The following IPCEF1 variants were observed in gnomAD, a reference collection of about 807,000 sequenced individuals.
The protein encoded by IPCEF1 is interaction protein for cytohesin exchange factors 1, also known as interactor protein for cytohesin exchange factors 1.
IPCEF1 carries 31 observed loss-of-function variants against 50.9 expected under a neutral mutation model. The observed-to-expected ratio is 0.61, with a 90% CI of 0.46 to 0.82. The LOEUF is 0.82. Ranked by LOEUF, IPCEF1 falls within the 40% of genes least tolerant of loss-of-function variation. The probability of loss-of-function intolerance (pLI) is 0.00; values close to 1 mark genes in which losing one functional copy is unlikely to be tolerated. For synonymous variants in IPCEF1, 181 were observed against 192.0 expected, an observed-to-expected ratio of 0.94 and a Z score of 0.47; for missense variants, 458 against 514.0, an observed-to-expected ratio of 0.89 and a Z score of 1.05.
intron 1 of IPCEF1, among the ~76,000 whole-genome samples, chr6:154,292,174 G>A (rs1270509735): frequency 2.0e-5 from 3 of 152,112 alleles, no homozygotes; most frequent in Admixed American, 1.3e-4. Context: ...TAGAGTCCAG[G>A]CCAGTTGCTT....
intron 4 of IPCEF1, 75 bp downstream of exon 4, chr6:154,247,374 A>G (rs1414674273): frequency 4.2e-6 from 5 of 1,204,402 alleles, no homozygotes; most frequent in Admixed American, 3.5e-5. Context: ...TCTGATCCCA[A>G]GGAAGGCACC....
intron 3 of IPCEF1, among the ~76,000 whole-genome samples, chr6:154,249,923 GT>G (rs1781295955): frequency 6.7e-6 from 1 of 149,052 alleles, no homozygotes; most frequent in Non-Finnish European, 1.5e-5. Flanking sequence ...TTTTTTGTTT[GT>G]TTTTAAGTGG....
At chr6:154,205,261 C>A (rs1048974500) in intron 9 of IPCEF1, among the ~76,000 whole-genome samples, 1 of 152,058 alleles carries the variant, frequency 6.6e-6, no homozygotes, top group African/African-American at 2.4e-5. Flanking sequence ...CATCTAGTTC[C>A]ATTCAGCATC....
chr6:154,158,449 G>T lies in IPCEF1; in HGVS notation c.*1379C>A, dbSNP rs1484546442. Reference sequence around the variant, plus strand: ...TTAGTTGTGTTGCCTTTGGTCTAAGGTTTGCAGGCATAAATGGCACAAAGC... The same window carrying T: ...TTAGTTGTGTTGCCTTTGGTCTAAGTTTTGCAGGCATAAATGGCACAAAGC... On this transcript the variant is annotated 3_prime_UTR_variant, in exon 12 of 12. Transcript: ENST00000367220. 1.3e-5 allele frequency: 2 copies of T among 152,136 alleles called. No homozygotes were observed. Among genetic ancestry groups the T allele is most frequent in the Non-Finnish European group, 2.9e-5 (2 of 68,024 alleles). The allele number at this position is 152,136 out of a possible 1,614,324, so 9.4% of individuals were successfully genotyped here.
Position 154,246,742 on chromosome 6 carries a change from C to T in IPCEF1, c.95G>A (p.Arg32Gln), listed in dbSNP as rs751364357. Residue 32 changes from arginine to glutamine, a missense_variant, in exon 5 of 12, where the codon CGG (arginine) becomes CAG (glutamine). Physicochemically the swap from Arg to Gln is conservative, Grantham distance 43 (BLOSUM62 1). Transcript: ENST00000367220. ...RKTQGFLTMS[R>Q]RRISCKDLGH... is the part of the protein sequence containing the mutation. ...CAGATCTTTACACGATATCCTCCTC[C>T]GACTCATCGTGAGAAAACCTGCAAT... is the stretch of plus-strand genomic sequence containing the variant. The T allele has an allele frequency of 1.6e-5, 26 of 1,613,736 alleles. No homozygotes were observed. The highest frequency in any genetic ancestry group is 2.2e-5 in the East Asian group (1 of 44,886).
chr6:154,257,702 T>G lies in IPCEF1; in HGVS notation c.36+8210A>C, dbSNP rs186840244. On this transcript the variant is annotated intron_variant, in intron 3 of 11. Transcript: ENST00000367220. The stretch of plus-strand genomic sequence containing the variant: ...GTTTTGGTTTTGGGTTTTGTTTGTT[T>G]GTTTGTTTGTTTTTTGAGACAGGGT... 2.0e-5 allele frequency among the ~76,000 whole-genome samples: 3 copies of G among 152,286 alleles called. No homozygotes were observed. The East Asian group carries it at 5.8e-4, about 29-fold the overall frequency.
intron 9 of IPCEF1, among the ~76,000 whole-genome samples, chr6:154,211,599 A>T (rs1241949524): frequency 6.6e-6 from 1 of 152,160 alleles, no homozygotes; most frequent in Non-Finnish European, 1.5e-5. Context: ...CAATTTTTGA[A>T]ACCAGTGGGA....
intron 10 of IPCEF1, among the ~76,000 whole-genome samples, chr6:154,187,854 G>C (rs1801522876): frequency 6.6e-6 from 1 of 152,142 alleles, no homozygotes; most frequent in Non-Finnish European, 1.5e-5. Context: ...ATAAAACAGA[G>C]GTGATGAAAA....
At chr6:154,193,887 CA>C (rs1776366688) in intron 10 of IPCEF1, among the ~76,000 whole-genome samples, 1 of 152,170 alleles carries the variant, frequency 6.6e-6, no homozygotes, top group Admixed American at 6.5e-5. Context: ...AAAAAGTGCT[CA>C]AAAAACTGTT....
At chr6:154,171,608 G>T (rs1032087544) in intron 10 of IPCEF1, among the ~76,000 whole-genome samples, 1 of 152,176 alleles carries the variant, frequency 6.6e-6, no homozygotes, top group Non-Finnish European at 1.5e-5. Flanking sequence ...TTTCATGTGT[G>T]AATGTTATGG....
intron 1 of IPCEF1, among the ~76,000 whole-genome samples, chr6:154,322,614 G>C (rs1783412570): frequency 2.6e-5 from 4 of 152,008 alleles, no homozygotes; most frequent in Admixed American, 2.0e-4. Flanking sequence ...GAGGGAGGCA[G>C]ATCAATGAGG....
intron 9 of IPCEF1, among the ~76,000 whole-genome samples, chr6:154,206,494 G>C (rs913382978): frequency 6.6e-6 from 1 of 152,104 alleles, no homozygotes; most frequent in African/African-American, 2.4e-5. Context: ...TAAATGATGT[G>C]GGTAAATGAA....
At chr6:154,207,343 A>G (rs577374199) in intron 9 of IPCEF1, among the ~76,000 whole-genome samples, 1 of 152,222 alleles carries the variant, frequency 6.6e-6, no homozygotes, top group African/African-American at 2.4e-5. Flanking sequence ...AATCTTGAGG[A>G]GAAAGGGTGA....
rs1225819973 is a variant in IPCEF1, at chr6:154,246,695, A to G, written c.142T>C (p.Trp48Arg). The change falls in exon 5 of 12, where the codon TGG (tryptophan) becomes CGG (arginine). Residue 48 changes from tryptophan (W) to arginine (R), a missense_variant. Physicochemically the swap from Trp to Arg is moderately radical, Grantham distance 101. Transcript: ENST00000367220. ...KDLGHADCQG[W>R]LYKKKEKGSF... ...CCCTTTTCCTTTTTCTTATACAGCC[A>G]CCCTTGGCAGTCAGCATGGCCCAGA... 3 of 1,613,786 alleles carry G rather than the reference A, an allele frequency of 1.9e-6. No homozygotes were observed. The Admixed American group carries it at 5.0e-5, about 27-fold the overall frequency.
intron 1 of IPCEF1, among the ~76,000 whole-genome samples, chr6:154,315,710 T>TCC (rs1783198335): frequency 2.0e-5 from 3 of 152,134 alleles, no homozygotes; most frequent in South Asian, 4.1e-4. Flanking sequence ...GAGATACCAA[T>TCC]CCCCCATCTG....
chr6:154,227,664 T>C (rs1383904349), intron 5 of IPCEF1, among the ~76,000 whole-genome samples: 3 of 151,802 alleles, frequency 2.0e-5, no homozygotes, highest in Non-Finnish European at 2.9e-5. Flanking sequence ...CTGTCATGGG[T>C]TGTGATCACA....
chr6:154,300,180 T>C lies in IPCEF1; in HGVS notation c.-61-10424A>G, dbSNP rs1782756311. On this transcript the variant is annotated intron_variant, in intron 1 of 11. Coordinates refer to ENST00000367220, the MANE Select transcript of IPCEF1 (RefSeq NM_001130700.2). Reference sequence around the variant, plus strand: ...CAGGCAGACCTCTTTGTGGGTAAAGTCTAAAGCAGATGCAATTTTAGGTTA... The same window carrying C: ...CAGGCAGACCTCTTTGTGGGTAAAGCCTAAAGCAGATGCAATTTTAGGTTA... Among the ~76,000 whole-genome samples, 2 of 141,958 alleles carry C rather than the reference T, an allele frequency of 1.4e-5. 1 individual carries two copies. The highest frequency in any genetic ancestry group is 3.2e-5 in the Non-Finnish European group (2 of 63,170). The allele number at this position is 141,958 out of a possible 152,430, so 93.1% of individuals were successfully genotyped here.
Position 154,242,300 on chromosome 6 carries a change from C to A in IPCEF1, c.246+4291G>T, listed in dbSNP as rs117931152. On this transcript the variant is annotated intron_variant, in intron 5 of 11. Transcript: ENST00000367220. Reference sequence around the variant, plus strand: ...ATTCAGATTGCTCCTTTTCCCATATCTGTTTTTAAGAATAGAGGTGGAAAT... The same window carrying A: ...ATTCAGATTGCTCCTTTTCCCATATATGTTTTTAAGAATAGAGGTGGAAAT... Among the ~76,000 whole-genome samples, 11 of 152,284 alleles carry A rather than the reference C, an allele frequency of 7.2e-5. No homozygotes were observed. In the East Asian group the frequency reaches 1.5e-3, roughly 21 times the overall value.
At chr6:154,173,763 G>A (rs1800067159) in intron 10 of IPCEF1, among the ~76,000 whole-genome samples, 2 of 152,214 alleles carry the variant, frequency 1.3e-5, no homozygotes, top group Non-Finnish European at 2.9e-5. Flanking sequence ...ATATTATCCA[G>A]GAGAACTTCC....
Sources: allele counts gnomAD v4.1 joint callset (sites outside exome capture counted in the v4.1 genomes callset), GRCh38; gene constraint gnomAD v4.1.1; transcripts MANE v1.5; gene names NCBI Gene and HGNC (gene_info 2026-07-23, HGNC 2026-07-21).